The following LRRC8A variants were observed in gnomAD, a reference collection of about 807,000 sequenced individuals.
LRRC8A encodes the protein volume-regulated anion channel subunit LRRC8A.
In LRRC8A, 24 loss-of-function variants were observed where a neutral mutation model predicts 52.5. The ratio of observed to expected loss-of-function variants is 0.46; its 90% CI spans 0.33 to 0.64. The LOEUF (loss-of-function observed/expected upper bound fraction) is 0.64. LRRC8A is among the 30% of genes least tolerant of loss of function. The pLI is 0.02. For synonymous variants in LRRC8A, 492 were observed against 494.2 expected, an observed-to-expected ratio of 1.00 and a Z score of 0.06; for missense variants, 677 against 1,094.7, an observed-to-expected ratio of 0.62 and a Z score of 5.38.
At chr9:128,886,929 G>A (rs997592742) in intron 2 of LRRC8A, among the ~76,000 whole-genome samples, 2 of 152,118 alleles carry the variant, frequency 1.3e-5, no homozygotes, top group Non-Finnish European at 2.9e-5. Flanking sequence ...GAAGCAGCTT[G>A]CCCAGACTCA....
intron 2 of LRRC8A, among the ~76,000 whole-genome samples, chr9:128,890,674 CT>C (rs1839581302): frequency 6.6e-6 from 1 of 152,338 alleles, no homozygotes. Flanking sequence ...AGTCCTCCCC[CT>C]GGCTCACCTA....
chr9:128,887,064 A>C (rs551334470), intron 2 of LRRC8A, among the ~76,000 whole-genome samples: 372 of 152,184 alleles, frequency 2.4e-3, no homozygotes, highest in Non-Finnish European at 4.6e-3. Flanking sequence ...GTGTGAAGGA[A>C]GGCCTGAGTC....
chr9:128,890,169 T>C (rs985418624), intron 2 of LRRC8A, among the ~76,000 whole-genome samples: 2 of 148,452 alleles, frequency 1.3e-5, no homozygotes, highest in African/African-American at 5.1e-5. Context: ...TGTGTGTGTG[T>C]GCTGGGAAGG....
chr9:128,890,603 G>A (rs1219206542), intron 2 of LRRC8A, among the ~76,000 whole-genome samples: 1 of 152,180 alleles, frequency 6.6e-6, no homozygotes, highest in African/African-American at 2.4e-5. Flanking sequence ...ATCCCTGGGG[G>A]TAGCCCCCTT....
chr9:128,903,907 A>C (rs1216194331), intron 2 of LRRC8A, among the ~76,000 whole-genome samples: 2 of 152,132 alleles, frequency 1.3e-5, no homozygotes, highest in Non-Finnish European at 2.9e-5. Flanking sequence ...GGGCGTCTGT[A>C]ATCCCAGCCA....
intron 2 of LRRC8A, among the ~76,000 whole-genome samples, chr9:128,903,302 C>T (rs1283507446): frequency 6.6e-6 from 1 of 152,182 alleles, no homozygotes; most frequent in African/African-American, 2.4e-5. Flanking sequence ...TGCCCCATTC[C>T]ACCTGCCTCA....
Position 128,916,380 on chromosome 9 carries a change from G to C in LRRC8A, c.*9G>C. The stretch of plus-strand genomic sequence containing the variant: ...ACAAGGAGCAGGCCTGAGCGAGGCC[G>C]GCCCAGCACAGCAAGCAGCAGGACC... On this transcript the variant is annotated 3_prime_UTR_variant, in exon 4 of 4. Transcript: ENST00000372600. The surrounding 1 kb of genome is among the most constrained non-coding windows in gnomAD (Gnocchi z 6.1). 6.2e-7 allele frequency: 1 copy of C among 1,602,962 alleles called. No homozygotes were observed. Among genetic ancestry groups the C allele is most frequent in the Non-Finnish European group, 8.5e-7 (1 of 1,173,916 alleles).
rs1011026207 is a variant in LRRC8A, at chr9:128,882,222, T to A, written c.-144T>A. ...GGAGCGGCCGGGGCCTGGGGCTGCC[T>A]GCCGGGCGGCCGGGCGCGGCGAGCC... On this transcript the variant is annotated 5_prime_UTR_variant, in exon 1 of 4. Coordinates refer to ENST00000372600, the MANE Select transcript of LRRC8A (RefSeq NM_019594.4). The A allele has an allele frequency of 5.9e-5, 9 of 152,958 alleles. No homozygotes were observed. Among genetic ancestry groups the A allele is most frequent in the South Asian group, 1.9e-4 (1 of 5,366 alleles). The allele number at this position is 152,958 out of a possible 1,614,324, so 9.5% of individuals were successfully genotyped here.
chr9:128,891,707 G>T lies in LRRC8A; in HGVS notation c.-9+5586G>T, dbSNP rs558176824. Among the ~76,000 whole-genome samples the T allele has an allele frequency of 7.9e-5, 12 of 152,282 alleles. No individual in the cohort carries two copies. In the South Asian group the frequency reaches 2.3e-3, roughly 29 times the overall value. On this transcript the variant is annotated intron_variant, in intron 2 of 3. Transcript: ENST00000372600. ...GTGAGACCAGAGGCATCTGAGTATGGCCTGATGGGGTTCCCTGTAGAGCCC... is the reference window on the plus strand; with the variant it reads ...GTGAGACCAGAGGCATCTGAGTATGTCCTGATGGGGTTCCCTGTAGAGCCC...
chr9:128,888,934 G>C (rs1839501389), intron 2 of LRRC8A, among the ~76,000 whole-genome samples: 1 of 152,100 alleles, frequency 6.6e-6, no homozygotes, highest in Admixed American at 6.6e-5. Flanking sequence ...ATAGTCCGTG[G>C]TCATTCTCAG....
intron 2 of LRRC8A, among the ~76,000 whole-genome samples, chr9:128,891,787 A>G (rs998706750): frequency 7.2e-5 from 11 of 152,126 alleles, no homozygotes; most frequent in Admixed American, 5.9e-4. Flanking sequence ...AAGTATCTTC[A>G]AGGGCCTGGG....
At chr9:128,915,988 G>A (rs1051157869) in intron 3 of LRRC8A, 108 bp from the exon 4 acceptor site, 1 of 1,351,848 alleles carries the variant, frequency 7.4e-7, no homozygotes, top group Admixed American at 2.2e-5. Context: ...CTGGGGGCCT[G>A]GGGATCAGAA....
chr9:128,898,039 AGTGTGTGTGT>A (rs58876901), intron 2 of LRRC8A, among the ~76,000 whole-genome samples: 28,225 of 136,112 alleles, frequency 0.21, 3,237 homozygotes, highest in African/African-American at 0.33. Flanking sequence ...AAGATTGTTC[AGTGTGTGTGT>A]GTGTGTGTGT....
chr9:128,883,243 A>T (rs1056634408), intron 1 of LRRC8A, among the ~76,000 whole-genome samples: 2 of 152,162 alleles, frequency 1.3e-5, no homozygotes, highest in African/African-American at 4.8e-5. Flanking sequence ...GCACCTGGTA[A>T]GAGGAAGGGA....
At position 128,908,301 on chromosome 9, in the gene LRRC8A, T is replaced by G; in HGVS notation, c.1137T>G (p.Ile379Met). 6.2e-7 allele frequency: 1 copy of G among 1,614,098 alleles called. No individual in the cohort carries two copies. The highest frequency in any genetic ancestry group is 8.5e-7 in the Non-Finnish European group (1 of 1,180,008). The change falls in exon 3 of 4, where the codon ATT becomes ATG. Residue 379 changes from isoleucine to methionine, a missense_variant. Ile to Met is a conservative substitution (Grantham distance 10). Transcript: ENST00000372600. Reference protein sequence around the residue: ...KNDFAFMLHLIDQYDPLYSKR... With the variant: ...KNDFAFMLHLMDQYDPLYSKR... ...ACTTCGCCTTCATGCTGCACCTCAT[T>G]GACCAATACGACCCGCTCTACTCCA...
chr9:128,906,283 A>C (rs527448403), intron 2 of LRRC8A, among the ~76,000 whole-genome samples: 1 of 144,494 alleles, frequency 6.9e-6, no homozygotes, highest in South Asian at 2.3e-4. Flanking sequence ...CTAGGATTAC[A>C]GGCGTGAGCC....
chr9:128,902,404 A>G lies in LRRC8A; in HGVS notation c.-8-4753A>G, dbSNP rs1053281237. Among the ~76,000 whole-genome samples, 5 of 152,104 alleles carry G rather than the reference A, an allele frequency of 3.3e-5. No individual in the cohort carries two copies. Among genetic ancestry groups the G allele is most frequent in the Admixed American group, 1.3e-4 (2 of 15,266 alleles). ...TGGGAACACTTCCTGCCTCAGAAGG[A>G]GGAGTCTGGGTGGTACAGACAAGCC... On this transcript the variant is annotated intron_variant, in intron 2 of 3. Coordinates refer to ENST00000372600, the MANE Select transcript of LRRC8A (RefSeq NM_019594.4). The surrounding 1 kb of genome is among the most constrained non-coding windows in gnomAD (Gnocchi z 4.1).
intron 1 of LRRC8A, among the ~76,000 whole-genome samples, chr9:128,884,739 G>T (rs985215268): frequency 6.6e-6 from 1 of 152,158 alleles, no homozygotes; most frequent in African/African-American, 2.4e-5. Context: ...CCCAGCCTCA[G>T]TGGGTGCCCC....
At chr9:128,882,914 G>T in intron 1 of LRRC8A, 1 of 397,628 alleles carries the variant, frequency 2.5e-6, no homozygotes. Context: ...CCCTAGGTGA[G>T]CTGGATACCC....
Sources: allele counts gnomAD v4.1 joint callset (sites outside exome capture counted in the v4.1 genomes callset), GRCh38; gene constraint gnomAD v4.1.1; non-coding constraint Gnocchi (gnomAD v3.1); transcripts MANE v1.5; gene names NCBI Gene and HGNC (gene_info 2026-07-23, HGNC 2026-07-21).